CDH4: variants seen among roughly 807,000 people sequenced by gnomAD.
The protein encoded by CDH4 is cadherin-4.
In CDH4, 33 loss-of-function variants were observed where a neutral mutation model predicts 86.0. That is an observed-to-expected ratio of 0.38 (90% CI 0.29 to 0.51). CDH4 has a LOEUF of 0.51. Ranked by LOEUF, CDH4 falls within the 20% of genes least tolerant of loss-of-function variation. The pLI, the probability that CDH4 is intolerant of heterozygous loss-of-function variation, is 0.86. For synonymous variants in CDH4, 555 were observed against 549.4 expected, an observed-to-expected ratio of 1.01 and a Z score of -0.14; for missense variants, 1,114 against 1,307.4, an observed-to-expected ratio of 0.85 and a Z score of 2.28.
intron 2 of CDH4, among the ~76,000 whole-genome samples, chr20:61,453,056 G>A (rs1284495451): frequency 6.6e-6 from 1 of 151,882 alleles, no homozygotes; most frequent in Non-Finnish European, 1.5e-5. Context: ...AGCAAATAAA[G>A]AAATGAAAAT....
chr20:61,634,715 C>A (rs1223851876), intron 2 of CDH4, among the ~76,000 whole-genome samples: 1 of 152,216 alleles, frequency 6.6e-6, no homozygotes, highest in African/African-American at 2.4e-5. Flanking sequence ...CAGAGCTCTG[C>A]GGCGTTAGTG....
At chr20:61,833,203 A>G (rs537759603) in intron 4 of CDH4, among the ~76,000 whole-genome samples, 2 of 152,210 alleles carry the variant, frequency 1.3e-5, no homozygotes, top group South Asian at 4.2e-4. Context: ...TGCTTGAGCC[A>G]GTTACATTGG....
chr20:61,696,588 G>C (rs1190848948), intron 2 of CDH4, among the ~76,000 whole-genome samples: 1 of 152,240 alleles, frequency 6.6e-6, no homozygotes, highest in Non-Finnish European at 1.5e-5. Flanking sequence ...CAGTGCCTGG[G>C]TCAGGGAGGG....
intron 2 of CDH4, among the ~76,000 whole-genome samples, chr20:61,500,866 T>G (rs1028104641): frequency 6.6e-6 from 1 of 152,220 alleles, no homozygotes; most frequent in African/African-American, 2.4e-5. Flanking sequence ...CAGCCCCCAG[T>G]GCAGGCATGC....
chr20:61,671,006 C>T (rs2087380186), intron 2 of CDH4, among the ~76,000 whole-genome samples: 1 of 152,222 alleles, frequency 6.6e-6, no homozygotes, highest in Non-Finnish European at 1.5e-5. Context: ...TAGTGAATTA[C>T]ATGTACATAT....
At chr20:61,646,082 C>T (rs2087058266) in intron 2 of CDH4, among the ~76,000 whole-genome samples, 1 of 152,102 alleles carries the variant, frequency 6.6e-6, no homozygotes, top group Admixed American at 6.5e-5. Context: ...TCTGTGTGGT[C>T]ACTCACAGCC....
At chr20:61,351,842 G>A (rs746754152) in intron 2 of CDH4, among the ~76,000 whole-genome samples, 5 of 151,876 alleles carry the variant, frequency 3.3e-5, no homozygotes, top group East Asian at 3.9e-4. Flanking sequence ...TAAGCCTCGC[G>A]AGTAGCTGGG....
chr20:61,863,067 G>C (rs921511879), intron 6 of CDH4, among the ~76,000 whole-genome samples: 3 of 152,220 alleles, frequency 2.0e-5, no homozygotes, highest in Non-Finnish European at 4.4e-5. Flanking sequence ...GATTTGAACA[G>C]AAAGCCAATT....
intron 2 of CDH4, among the ~76,000 whole-genome samples, chr20:61,508,528 C>T (rs1040582876): frequency 3.9e-5 from 6 of 152,202 alleles, no homozygotes; most frequent in South Asian, 4.1e-4. Flanking sequence ...TGGACAGTGG[C>T]GGAGCCCACT....
chr20:61,924,228 A>C, intron 10 of CDH4, 106 bp from the exon 11 acceptor site: 1 of 1,168,210 alleles, frequency 8.6e-7, no homozygotes, highest in Non-Finnish European at 1.2e-6. Context: ...AGACAGAGAC[A>C]CTGGCCCAGG....
chr20:61,271,743 G>C (rs1416773663), intron 2 of CDH4, among the ~76,000 whole-genome samples: 1 of 152,206 alleles, frequency 6.6e-6, no homozygotes, highest in Non-Finnish European at 1.5e-5. Context: ...GTGAGAGAAG[G>C]TGCCCCTCAC....
intron 7 of CDH4, among the ~76,000 whole-genome samples, chr20:61,876,833 C>T (rs12625623): frequency 0.15 from 22,987 of 152,162 alleles, 2,054 homozygotes; most frequent in East Asian, 0.35. Context: ...TTCCCACTGC[C>T]GGGTGGAGGG....
intron 2 of CDH4, among the ~76,000 whole-genome samples, chr20:61,300,047 A>G (rs2084377834): frequency 6.6e-6 from 1 of 152,068 alleles, no homozygotes; most frequent in African/African-American, 2.4e-5. Flanking sequence ...TCTTCATCCA[A>G]CAAACATGAA....
rs530521215 is a variant in CDH4, at chr20:61,553,872, C to G, written c.170-189691C>G. ...TGGACAGCCGGGAGGCAAGTTCCCT[C>G]CAAAATGAGTCATGACTCCAGAACT... is the stretch of plus-strand genomic sequence containing the variant. On this transcript the variant is annotated intron_variant, in intron 2 of 15. Coordinates refer to ENST00000614565, the MANE Select transcript of CDH4 (RefSeq NM_001794.5). Among the ~76,000 whole-genome samples the G allele has an allele frequency of 5.9e-5, 9 of 152,318 alleles. No homozygotes were observed. The South Asian group carries it at 1.9e-3, about 32-fold the overall frequency.
intron 3 of CDH4, among the ~76,000 whole-genome samples, chr20:61,766,686 G>T (rs1024733188): frequency 6.6e-6 from 1 of 152,130 alleles, no homozygotes; most frequent in Non-Finnish European, 1.5e-5. Context: ...AGCCTGTGAC[G>T]CCCCCACCCT....
chr20:61,655,515 C>G (rs117231348), intron 2 of CDH4, among the ~76,000 whole-genome samples: 1 of 152,238 alleles, frequency 6.6e-6, no homozygotes, highest in South Asian at 2.1e-4. Flanking sequence ...TGACCACTGC[C>G]GTGTTCTCCT....
At chr20:61,921,413 T>A (rs969246996) in intron 9 of CDH4, among the ~76,000 whole-genome samples, 1 of 152,256 alleles carries the variant, frequency 6.6e-6, no homozygotes, top group Non-Finnish European at 1.5e-5. Context: ...TTACCAGACC[T>A]CATGATCCTC....
chr20:61,724,198 A>C (rs1191241320), intron 2 of CDH4, among the ~76,000 whole-genome samples: 1 of 149,732 alleles, frequency 6.7e-6, no homozygotes, highest in Non-Finnish European at 1.5e-5. Context: ...GGGTCCCCAT[A>C]CAGGGGGCAG....
rs537999382 is a variant in CDH4, at chr20:61,439,498, G to T, written c.169+184561G>T. ...TGTATGTGGCTAGTAGTGGACGCTG[G>T]TCACCAGCTTGGAGATATGCTGGCA... On this transcript the variant is annotated intron_variant, in intron 2 of 15. Coordinates refer to ENST00000614565, the MANE Select transcript of CDH4 (RefSeq NM_001794.5). Among the ~76,000 whole-genome samples the T allele has an allele frequency of 2.2e-3, 336 of 152,358 alleles. 1 individual carries two copies. The highest frequency in any genetic ancestry group is 4.7e-3 in the Admixed American group (72 of 15,302).
Sources: allele counts gnomAD v4.1 joint callset (sites outside exome capture counted in the v4.1 genomes callset), GRCh38; gene constraint gnomAD v4.1.1; transcripts MANE v1.5; gene names NCBI Gene and HGNC (gene_info 2026-07-23, HGNC 2026-07-21).